The following CDC42 variants were observed in gnomAD, a reference collection of about 807,000 sequenced individuals.
CDC42 encodes the protein cell division cycle 42.
In CDC42, 1 loss-of-function variant was observed where a neutral mutation model predicts 20.8. The ratio of observed to expected loss-of-function variants is 0.05; its 90% CI spans 0.02 to 0.23. CDC42 has a LOEUF of 0.23. Ranked by LOEUF, CDC42 falls within the 10% of genes least tolerant of loss-of-function variation. The probability of loss-of-function intolerance (pLI) is 1.00; values close to 1 mark genes in which losing one functional copy is unlikely to be tolerated. For missense variants in CDC42, 49 were observed against 227.9 expected (o/e 0.21, Z 5.05); for synonymous variants, 72 against 84.8 (o/e 0.85, Z 0.83).
At chr1:22,064,527 A>G (rs1645400729) in intron 1 of CDC42, among the ~76,000 whole-genome samples, 1 of 151,940 alleles carries the variant, frequency 6.6e-6, no homozygotes, top group Non-Finnish European at 1.5e-5. Flanking sequence ...CTGACCTCAG[A>G]AGATCTGCCT....
intron 1 of CDC42, among the ~76,000 whole-genome samples, chr1:22,071,046 CTT>C (rs10684040): frequency 1.6e-5 from 2 of 125,302 alleles, no homozygotes; most frequent in African/African-American, 3.0e-5. Flanking sequence ...TTTTTTCTTT[CTT>C]TTTTTTTTTT....
intron 1 of CDC42, among the ~76,000 whole-genome samples, chr1:22,072,495 A>G (rs1256542541): frequency 6.6e-6 from 1 of 152,092 alleles, no homozygotes; most frequent in African/African-American, 2.4e-5. Flanking sequence ...GGAGGGATTC[A>G]GGTGACCTGC....
At chr1:22,077,892 C>A (rs1645567748) in intron 1 of CDC42, among the ~76,000 whole-genome samples, 1 of 152,208 alleles carries the variant, frequency 6.6e-6, no homozygotes, top group Admixed American at 6.5e-5. Context: ...CAGCGATCAC[C>A]CTGTTCTTTG....
chr1:22,054,921 ATTTTTTTTTTTTTTTTTTTTTTTTT>A (rs1180547322), intron 1 of CDC42, among the ~76,000 whole-genome samples: 853 of 19,364 alleles, frequency 0.044, 39 homozygotes, highest in Admixed American at 0.061. Context: ...ATATATATAT[ATTTTTTTTTTTTTTTTTTTTTTTTT>A]TTTTTTTTTT....
At chr1:22,080,939 G>C (rs1645601055) in intron 2 of CDC42, among the ~76,000 whole-genome samples, 1 of 152,156 alleles carries the variant, frequency 6.6e-6, no homozygotes, top group African/African-American at 2.4e-5. Flanking sequence ...GGGAGGCCGA[G>C]GCAGGTGGAT....
rs1006697652 is a variant in CDC42 at position 22,099,672 on chromosome 1, G to A, written c.*8155G>A. 2.6e-5 allele frequency among the ~76,000 whole-genome samples: 4 copies of A among 152,180 alleles called. No individual in the cohort carries two copies. The highest frequency in any genetic ancestry group is 2.0e-4 in the Admixed American group (3 of 15,282). On this transcript the variant is annotated 3_prime_UTR_variant, in exon 6 of 6. Transcript: ENST00000656825. ...GGGGGAGGTGACTTTAGGATCAGTT[G>A]TAGCATGAGAGAATATGACACCTTC...
chr1:22,056,234 C>G (rs1340483837), intron 1 of CDC42, among the ~76,000 whole-genome samples: 1 of 152,138 alleles, frequency 6.6e-6, no homozygotes, highest in Non-Finnish European at 1.5e-5. Context: ...GGCCTTTTTG[C>G]TGTGTTTCCT....
At chr1:22,090,269 T>C in intron 5 of CDC42, 2 of 1,195,568 alleles carry the variant, frequency 1.7e-6, no homozygotes, top group Non-Finnish European at 2.1e-6. Context: ...TGCCTGATGC[T>C]CAGAGCTTTT....
intron 1 of CDC42, among the ~76,000 whole-genome samples, chr1:22,066,341 C>T (rs565002176): frequency 2.0e-5 from 3 of 151,786 alleles, no homozygotes; most frequent in Non-Finnish European, 2.9e-5. Flanking sequence ...CGCCACTGTG[C>T]TGCAGCTTAG....
At chr1:22,090,061 T>C (rs1383988578) in intron 5 of CDC42, 2 of 1,611,340 alleles carry the variant, frequency 1.2e-6, no homozygotes, top group Middle Eastern at 1.7e-4. Context: ...TCTTTGCTGC[T>C]GCTTCCTGTC....
chr1:22,079,674 T>C (rs552383178), intron 2 of CDC42, among the ~76,000 whole-genome samples: 1 of 152,314 alleles, frequency 6.6e-6, no homozygotes, highest in South Asian at 2.1e-4. Context: ...ACAAGATAAA[T>C]GGAAGACGTT....
chr1:22,053,110 C>T (rs1645254604), intron 1 of CDC42, among the ~76,000 whole-genome samples: 1 of 151,286 alleles, frequency 6.6e-6, no homozygotes, highest in South Asian at 2.1e-4. Flanking sequence ...CCGGCGGGCT[C>T]CTAAGGGCGG....
intron 1 of CDC42, among the ~76,000 whole-genome samples, chr1:22,067,139 A>C (rs1645433315): frequency 6.6e-6 from 1 of 152,154 alleles, no homozygotes; most frequent in Non-Finnish European, 1.5e-5. Flanking sequence ...GAAGGCAAGA[A>C]GAAGGGCCTT....
chr1:22,099,624 G>T lies in CDC42; in HGVS notation c.*8107G>T, dbSNP rs1329633320. Among the ~76,000 whole-genome samples, 2 of 152,170 alleles carry T rather than the reference G, an allele frequency of 1.3e-5. No homozygotes were observed. The highest frequency in any genetic ancestry group is 1.5e-5 in the Non-Finnish European group (1 of 68,028). ...ATAAAAGGCTTCATCTGTAAGGGTA[G>T]GTTTGTTGGGTAGGAGCTTTTTGGG... On this transcript the variant is annotated 3_prime_UTR_variant, in exon 6 of 6. Transcript: ENST00000656825.
At position 22,071,139 on chromosome 1, in the gene CDC42, G is replaced by A. The variant is rs12073462; in HGVS notation, c.-50-7290G>A. Among the ~76,000 whole-genome samples, 1,399 of 149,048 alleles carry A rather than the reference G, an allele frequency of 9.4e-3. 21 individuals are homozygous for A. Among genetic ancestry groups the A allele is most frequent in the African/African-American group, 0.033 (1,318 of 40,288 alleles). On this transcript the variant is annotated intron_variant, in intron 1 of 5. Coordinates refer to ENST00000656825, the MANE Select transcript of CDC42 (RefSeq NM_001791.4). ...GCTCACTGCAAGCTCTGCCTCACGG[G>A]TTCACGCCATTCTCCTGCCTCAGCC...
At chr1:22,059,938 C>G (rs1192375413) in intron 1 of CDC42, among the ~76,000 whole-genome samples, 1 of 152,216 alleles carries the variant, frequency 6.6e-6, no homozygotes, top group Non-Finnish European at 1.5e-5. Flanking sequence ...CCAGGACTAT[C>G]CCTGAGAGCT....
At chr1:22,080,354 C>T (rs1247586833) in intron 2 of CDC42, among the ~76,000 whole-genome samples, 1 of 152,174 alleles carries the variant, frequency 6.6e-6, no homozygotes, top group Non-Finnish European at 1.5e-5. Context: ...GGTTTGAGAG[C>T]TTAACCACAT....
Position 22,095,942 on chromosome 1 carries a change from T to A in CDC42, c.*4425T>A, listed in dbSNP as rs114208292. ...AGTCAGTGCTATTCATTCATTTTTT[T>A]AAAAAAATTTATTTATTTATTTATT... On this transcript the variant is annotated 3_prime_UTR_variant, in exon 6 of 6. Coordinates refer to ENST00000656825, the MANE Select transcript of CDC42 (RefSeq NM_001791.4). 0.012 allele frequency among the ~76,000 whole-genome samples: 1,785 copies of A among 151,924 alleles called. 43 individuals carry two copies. Among genetic ancestry groups the A allele is most frequent in the African/African-American group, 0.04 (1,634 of 41,270 alleles).
At chr1:22,058,761 A>C (rs571454270) in intron 1 of CDC42, among the ~76,000 whole-genome samples, 2 of 152,272 alleles carry the variant, frequency 1.3e-5, no homozygotes, top group South Asian at 4.1e-4. Flanking sequence ...GGCCTCCCAT[A>C]GTGCTGGGAT....
Sources: allele counts gnomAD v4.1 joint callset (sites outside exome capture counted in the v4.1 genomes callset), GRCh38; gene constraint gnomAD v4.1.1; transcripts MANE v1.5; gene names NCBI Gene and HGNC (gene_info 2026-07-23, HGNC 2026-07-21).